AKAP6: variants seen among roughly 807,000 people sequenced by gnomAD.
AKAP6 encodes the protein A-kinase anchor protein 6.
A neutral mutation model predicts 188.5 loss-of-function variants in AKAP6; 58 were observed. That is an observed-to-expected ratio of 0.31 (90% CI 0.25 to 0.38). The LOEUF is 0.38. AKAP6 is among the 10% of genes least tolerant of loss of function. The pLI is 1.00. For synonymous variants in AKAP6, 989 were observed against 998.6 expected, an observed-to-expected ratio of 0.99 and a Z score of 0.18; for missense variants, 2,710 against 2,740.0, an observed-to-expected ratio of 0.99 and a Z score of 0.24.
chr14:32,384,644 G>C (rs922924916), intron 1 of AKAP6, among the ~76,000 whole-genome samples: 1 of 152,154 alleles, frequency 6.6e-6, no homozygotes, highest in African/African-American at 2.4e-5. Context: ...TGTTATTTCA[G>C]TGTCTCTGAT....
In AKAP6 at chr14:32,824,181, G is replaced by A; in HGVS notation, c.6368G>A (p.Gly2123Glu). The change falls in exon 13 of 14, where the codon GGG becomes GAG. Residue 2123 changes from glycine to glutamate, a missense_variant. Gly to Glu is a moderately conservative substitution (Grantham distance 98). Around this residue, in one of 2 missense-constraint regions of AKAP6, gnomAD observed 2,473 missense variants for 2,426.1 expected, o/e 1.02. Transcript: ENST00000280979. ...CTCTCATCTCATGACAGTGATTGTG[G>A]GGAGGTCACCAATTACATAGAAGAG... Reference protein sequence around the residue: ...LSLSSHDSDCGEVTNYIEEKS... With the variant: ...LSLSSHDSDCEEVTNYIEEKS... 1.2e-6 allele frequency: 2 copies of A among 1,613,952 alleles called. No individual in the cohort carries two copies. Among genetic ancestry groups the A allele is most frequent in the Non-Finnish European group, 1.7e-6 (2 of 1,179,926 alleles).
chr14:32,371,579 G>A (rs1888008484), intron 1 of AKAP6, among the ~76,000 whole-genome samples: 1 of 152,202 alleles, frequency 6.6e-6, no homozygotes, highest in Admixed American at 6.5e-5. Context: ...CAGCCTGGGT[G>A]ACAGAGCAAG....
chr14:32,391,330 G>A (rs1478535862), intron 1 of AKAP6, among the ~76,000 whole-genome samples: 1 of 152,158 alleles, frequency 6.6e-6, no homozygotes, highest in Non-Finnish European at 1.5e-5. Flanking sequence ...TTGGTCTTGA[G>A]TCTTCAGCTT....
At chr14:32,534,777 C>T (rs1484332673) in intron 2 of AKAP6, among the ~76,000 whole-genome samples, 1 of 151,834 alleles carries the variant, frequency 6.6e-6, no homozygotes, top group Non-Finnish European at 1.5e-5. Context: ...ACCAGCCTGG[C>T]CAACCTGGTG....
chr14:32,438,256 C>T (rs1264304035), intron 2 of AKAP6, among the ~76,000 whole-genome samples: 1 of 152,134 alleles, frequency 6.6e-6, no homozygotes, highest in Non-Finnish European at 1.5e-5. Flanking sequence ...GGGGAGTCTG[C>T]CCAGGAAAGT....
intron 7 of AKAP6, among the ~76,000 whole-genome samples, chr14:32,629,943 C>G (rs1221992070): frequency 6.6e-6 from 1 of 151,972 alleles, no homozygotes; most frequent in African/African-American, 2.4e-5. Flanking sequence ...TAATACTCTG[C>G]CATAATTCAT....
chr14:32,786,315 T>TTTTTTTTTTTTTTTTTTTTTTTTG (rs2033414809), intron 12 of AKAP6, among the ~76,000 whole-genome samples: 1 of 106,826 alleles, frequency 9.4e-6, no homozygotes, highest in Non-Finnish European at 2.0e-5. Flanking sequence ...TTTTTTTTTT[T>TTTTTTTTTTTTTTTTTTTTTTTTG]TTTTTTTTTT....
At chr14:32,684,009 C>T (rs1889804654) in intron 8 of AKAP6, among the ~76,000 whole-genome samples, 1 of 152,136 alleles carries the variant, frequency 6.6e-6, no homozygotes, top group South Asian at 2.1e-4. Context: ...CTTGGGCACT[C>T]TAGGAGACAG....
intron 7 of AKAP6, among the ~76,000 whole-genome samples, chr14:32,676,907 C>T: frequency 6.6e-6 from 1 of 152,170 alleles, no homozygotes; most frequent in Non-Finnish European, 1.5e-5. Context: ...AATCTTGGCT[C>T]ACTGCAACTT....
At chr14:32,438,958 C>T (rs1378591964) in intron 2 of AKAP6, 1 of 152,168 alleles carries the variant, frequency 6.6e-6, no homozygotes, top group Non-Finnish European at 1.5e-5. Context: ...GGCTAGCTAG[C>T]ATAGGCTAAA....
chr14:32,490,944 A>G (rs1879980467), intron 2 of AKAP6, among the ~76,000 whole-genome samples: 1 of 152,234 alleles, frequency 6.6e-6, no homozygotes, highest in South Asian at 2.1e-4. Context: ...TAGTATTATC[A>G]GTGAATAGTG....
intron 7 of AKAP6, among the ~76,000 whole-genome samples, chr14:32,619,388 C>T (rs997047540): frequency 2.0e-5 from 3 of 152,040 alleles, no homozygotes; most frequent in Admixed American, 6.6e-5. Context: ...CAGTTTCATT[C>T]TTCTACTTTG....
intron 12 of AKAP6, among the ~76,000 whole-genome samples, chr14:32,794,246 ATAAT>A (rs1357027807): frequency 7.2e-5 from 11 of 152,168 alleles, no homozygotes; most frequent in Non-Finnish European, 2.9e-5. Flanking sequence ...ACTCGGGTAA[ATAAT>A]TAAGGCAGAA....
At position 32,552,968 on chromosome 14, in the gene AKAP6, C is replaced by T. The variant is rs149930749; in HGVS notation, c.2346+5969C>T. Among the ~76,000 whole-genome samples, 1,297 of 152,204 alleles carry T rather than the reference C, an allele frequency of 8.5e-3. 18 individuals are homozygous for T. The highest frequency in any genetic ancestry group is 0.03 in the African/African-American group (1,226 of 41,488). On this transcript the variant is annotated intron_variant, in intron 4 of 13. Transcript: ENST00000280979. ...TAACTCATCATGGCAGAGTCCTCCA[C>T]TCTGTCTTCTCTGAGTCACACAGAG...
intron 2 of AKAP6, among the ~76,000 whole-genome samples, chr14:32,526,532 C>T (rs1882137464): frequency 6.6e-6 from 1 of 152,096 alleles, no homozygotes; most frequent in Admixed American, 6.6e-5. Flanking sequence ...CAGTGCCTGG[C>T]CCAGGCTTGC....
chr14:32,792,279 T>G (rs1264783685), intron 12 of AKAP6, among the ~76,000 whole-genome samples: 1 of 152,228 alleles, frequency 6.6e-6, no homozygotes, highest in Non-Finnish European at 1.5e-5. Context: ...CATTTGTTTG[T>G]GTCCTCTCTT....
At chr14:32,617,566 G>T (rs927490345) in intron 7 of AKAP6, among the ~76,000 whole-genome samples, 1 of 152,154 alleles carries the variant, frequency 6.6e-6, no homozygotes, top group African/African-American at 2.4e-5. Flanking sequence ...CAAAATGCTT[G>T]TTGAGTGACA....
chr14:32,801,803 T>C (rs1484990204), intron 12 of AKAP6, among the ~76,000 whole-genome samples: 3 of 152,190 alleles, frequency 2.0e-5, no homozygotes, highest in East Asian at 3.8e-4. Flanking sequence ...TTTTTTCTTA[T>C]AACACTTTAA....
intron 1 of AKAP6, among the ~76,000 whole-genome samples, chr14:32,398,293 TCTC>T (rs1305361247): frequency 6.6e-6 from 1 of 152,202 alleles, no homozygotes; most frequent in Admixed American, 6.5e-5. Flanking sequence ...TGTGGGGCCT[TCTC>T]CTTGGCTGGA....
Sources: gnomAD v4.1 joint callset for allele counts (sites outside exome capture counted in the v4.1 genomes callset) on GRCh38, gnomAD v4.1.1 for gene constraint, gnomAD v4.1.1 regional missense constraint, MANE v1.5 for transcripts, NCBI Gene and HGNC (gene_info 2026-07-23, HGNC 2026-07-21) for gene names.